The following FBXL7 variants were observed in gnomAD, a reference collection of about 807,000 sequenced individuals.
The protein encoded by FBXL7 is F-box and leucine rich repeat protein 7, also known as F-box/LRR-repeat protein 7.
In FBXL7, 12 loss-of-function variants were observed where a neutral mutation model predicts 38.3. The ratio of observed to expected loss-of-function variants is 0.31; its 90% CI spans 0.20 to 0.51. FBXL7 has a LOEUF of 0.51. Among genes scored for constraint, FBXL7 ranks in the 20% least tolerant of loss-of-function variants. The probability of loss-of-function intolerance (pLI) is 0.98; values close to 1 mark genes in which losing one functional copy is unlikely to be tolerated. For synonymous variants in FBXL7, 297 were observed against 300.9 expected, an observed-to-expected ratio of 0.99 and a Z score of 0.13; for missense variants, 567 against 676.4, an observed-to-expected ratio of 0.84 and a Z score of 1.79.
At chr5:15,868,946 A>T (rs138279466) in intron 2 of FBXL7, among the ~76,000 whole-genome samples, 75 of 152,326 alleles carry the variant, frequency 4.9e-4, no homozygotes, top group African/African-American at 1.6e-3. Context: ...AAACTAAGGG[A>T]CTTCAAACAA....
At chr5:15,500,830 C>A in intron 1 of FBXL7, 117 bp downstream of exon 1, 1 of 1,263,312 alleles carries the variant, frequency 7.9e-7, no homozygotes, top group Non-Finnish European at 1.1e-6. Context: ...CATTTGGCAC[C>A]CTGTCTGGGT....
intron 2 of FBXL7, among the ~76,000 whole-genome samples, chr5:15,802,860 C>T (rs868383797): frequency 6.6e-6 from 1 of 152,084 alleles, no homozygotes. Context: ...ACCATGTTGG[C>T]CAGGCTGGTT....
chr5:15,875,813 A>G (rs2126306722), intron 2 of FBXL7, among the ~76,000 whole-genome samples: 1 of 152,336 alleles, frequency 6.6e-6, no homozygotes, highest in South Asian at 2.1e-4. Context: ...GGGAGTGTAA[A>G]TTAGTTCAAC....
intron 2 of FBXL7, among the ~76,000 whole-genome samples, chr5:15,668,487 C>T (rs897767737): frequency 6.6e-6 from 1 of 151,350 alleles, no homozygotes; most frequent in Non-Finnish European, 1.5e-5. Flanking sequence ...AAATTGTGTC[C>T]AGTGTTAATA....
chr5:15,616,580 C>T (rs967310311), intron 2 of FBXL7, among the ~76,000 whole-genome samples: 3 of 152,078 alleles, frequency 2.0e-5, no homozygotes, highest in Non-Finnish European at 4.4e-5. Flanking sequence ...TGTAAGAGGT[C>T]CTTCCTGTCA....
At chr5:15,755,444 C>G (rs1736271461) in intron 2 of FBXL7, among the ~76,000 whole-genome samples, 1 of 152,070 alleles carries the variant, frequency 6.6e-6, no homozygotes, top group Non-Finnish European at 1.5e-5. Context: ...CTCTCTCTTT[C>G]TCTCTGTGTC....
chr5:15,624,500 T>C (rs2126532126), intron 2 of FBXL7, among the ~76,000 whole-genome samples: 1 of 152,358 alleles, frequency 6.6e-6, no homozygotes, highest in South Asian at 2.1e-4. Context: ...CTCTAGTGTA[T>C]TGACTTTGGA....
At position 15,740,249 on chromosome 5, in the gene FBXL7, A is replaced by G. The variant is rs532268721; in HGVS notation, c.127+124177A>G. On this transcript the variant is annotated intron_variant, in intron 2 of 3. Coordinates refer to ENST00000504595, the MANE Select transcript of FBXL7 (RefSeq NM_012304.5). ...AGATCATTCTCTTAACTTCTAGCCT[A>G]TGGAACCTTCCATTTCTGAGATGGC... 2.0e-4 allele frequency among the ~76,000 whole-genome samples: 31 copies of G among 152,312 alleles called. 1 individual carries two copies. Among genetic ancestry groups the G allele is most frequent in the Middle Eastern group, 3.4e-3 (1 of 294 alleles).
chr5:15,526,732 C>T (rs1737261643), intron 1 of FBXL7, among the ~76,000 whole-genome samples: 1 of 152,168 alleles, frequency 6.6e-6, no homozygotes, highest in South Asian at 2.1e-4. Context: ...ACATCATCCT[C>T]TGGAAGGGGA....
intron 2 of FBXL7, among the ~76,000 whole-genome samples, chr5:15,832,996 G>C (rs1738497149): frequency 6.6e-6 from 1 of 152,070 alleles, no homozygotes; most frequent in Non-Finnish European, 1.5e-5. Context: ...ATAAAGGGCA[G>C]TTTTCCTGCA....
At chr5:15,872,830 T>C (rs1740025967) in intron 2 of FBXL7, among the ~76,000 whole-genome samples, 1 of 152,148 alleles carries the variant, frequency 6.6e-6, no homozygotes, top group Non-Finnish European at 1.5e-5. Flanking sequence ...ACAATAATAG[T>C]GAGCGACCTT....
intron 2 of FBXL7, among the ~76,000 whole-genome samples, chr5:15,854,168 C>T (rs1739185230): frequency 6.6e-6 from 1 of 152,104 alleles, no homozygotes; most frequent in African/African-American, 2.4e-5. Flanking sequence ...CTGTGAAATC[C>T]ATATAATAAA....
At chr5:15,503,461 A>C (rs1223845799) in intron 1 of FBXL7, among the ~76,000 whole-genome samples, 1 of 152,210 alleles carries the variant, frequency 6.6e-6, no homozygotes, top group Non-Finnish European at 1.5e-5. Flanking sequence ...ACAAAAGCTG[A>C]GTCTTGGCCA....
At chr5:15,763,838 A>C (rs1736516303) in intron 2 of FBXL7, among the ~76,000 whole-genome samples, 1 of 152,204 alleles carries the variant, frequency 6.6e-6, no homozygotes, top group South Asian at 2.1e-4. Context: ...TATTATGGGA[A>C]TAGGCTCCTG....
intron 2 of FBXL7, among the ~76,000 whole-genome samples, chr5:15,776,981 A>G (rs1736872658): frequency 6.6e-6 from 1 of 152,146 alleles, no homozygotes; most frequent in South Asian, 2.1e-4. Context: ...CACTCTGTAT[A>G]TGATTGTGCT....
intron 2 of FBXL7, among the ~76,000 whole-genome samples, chr5:15,897,532 A>G (rs1005614290): frequency 1.3e-5 from 2 of 152,194 alleles, no homozygotes. Flanking sequence ...ATCCCAGGAA[A>G]TACTTTATGA....
At chr5:15,716,653 G>T (rs963030365) in intron 2 of FBXL7, among the ~76,000 whole-genome samples, 1 of 152,142 alleles carries the variant, frequency 6.6e-6, no homozygotes, top group Non-Finnish European at 1.5e-5. Flanking sequence ...GCATTGACAT[G>T]ATTTTTGCAT....
chr5:15,742,235 TG>T (rs1408618631), intron 2 of FBXL7, among the ~76,000 whole-genome samples: 1 of 152,156 alleles, frequency 6.6e-6, no homozygotes, highest in African/African-American at 2.4e-5. Context: ...CTCTGTGTGG[TG>T]GGGGAGAATA....
At chr5:15,767,024 C>A (rs1035883261) in intron 2 of FBXL7, among the ~76,000 whole-genome samples, 1 of 151,858 alleles carries the variant, frequency 6.6e-6, no homozygotes, top group Non-Finnish European at 1.5e-5. Context: ...TTTTAAGTTC[C>A]GGGGTACCCG....
Sources: allele counts gnomAD v4.1 joint callset (sites outside exome capture counted in the v4.1 genomes callset), GRCh38; gene constraint gnomAD v4.1.1; transcripts MANE v1.5; gene names NCBI Gene and HGNC (gene_info 2026-07-23, HGNC 2026-07-21).